Variants in PGAP1 observed in about 807,000 individuals in gnomAD.
The protein encoded by PGAP1 is GPI inositol-deacylase.
PGAP1 carries 76 observed loss-of-function variants against 127.0 expected under a neutral mutation model. The observed-to-expected ratio is 0.60, with a 90% CI of 0.50 to 0.72. The LOEUF is 0.72. Ranked by LOEUF, PGAP1 falls within the 30% of genes least tolerant of loss-of-function variation. PGAP1 has a pLI of 0.00. For missense variants in PGAP1, 982 were observed against 1,071.3 expected (o/e 0.92, Z 1.16); for synonymous variants, 362 against 366.5 (o/e 0.99, Z 0.14).
At chr2:196,896,177 C>A (rs1702261506) in intron 7 of PGAP1, among the ~76,000 whole-genome samples, 1 of 152,130 alleles carries the variant, frequency 6.6e-6, no homozygotes, top group Non-Finnish European at 1.5e-5. Context: ...ATATGTTCTG[C>A]TAATTGAACA....
intron 13 of PGAP1, among the ~76,000 whole-genome samples, chr2:196,876,168 ATTAG>A (rs1435206872): frequency 6.6e-6 from 1 of 152,162 alleles, no homozygotes; most frequent in Non-Finnish European, 1.5e-5. Context: ...CTAATTCAAG[ATTAG>A]TTAAAGATTT....
At chr2:196,893,490 C>T (rs775246931) in intron 7 of PGAP1, among the ~76,000 whole-genome samples, 21 of 152,204 alleles carry the variant, frequency 1.4e-4, no homozygotes, top group Admixed American at 3.9e-4. Flanking sequence ...GTTCACACAG[C>T]TCTTAAGTCT....
In PGAP1 at chr2:196,871,404, T is replaced by C. The variant is rs114287541; in HGVS notation, c.1729-425A>G. Among the ~76,000 whole-genome samples the C allele has an allele frequency of 5.8e-3, 877 of 152,284 alleles. 4 individuals are homozygous for C. Among genetic ancestry groups the C allele is most frequent in the Non-Finnish European group, 7.3e-3 (495 of 67,988 alleles). On this transcript the variant is annotated intron_variant, in intron 18 of 26. Coordinates refer to ENST00000354764, the MANE Select transcript of PGAP1 (RefSeq NM_024989.4). ...TATTTGATATTAGAAAGGAGATAAA[T>C]ATTTTTAGGGAAGTTTAAAATGATT...
chr2:196,897,273 T>C (rs920139927), intron 6 of PGAP1, 76 bp from the exon 7 acceptor site: 9 of 865,916 alleles, frequency 1.0e-5, no homozygotes, highest in Admixed American at 3.0e-5. Context: ...CACAATTCTA[T>C]TGTTTAGTGG....
intron 12 of PGAP1, 68 bp from the exon 13 acceptor site, chr2:196,880,221 TAACAC>T: frequency 5.2e-6 from 5 of 960,242 alleles, no homozygotes; most frequent in Non-Finnish European, 7.6e-6. Flanking sequence ...GAAAAATAAA[TAACAC>T]TTATTTCTTA....
chr2:196,898,305 G>C lies in PGAP1; in HGVS notation c.860+12C>G. The C allele has an allele frequency of 1.3e-6, 2 of 1,574,830 alleles. No individual in the cohort carries two copies. Among genetic ancestry groups the C allele is most frequent in the Non-Finnish European group, 8.7e-7 (1 of 1,146,884 alleles). ...CAACTCATCAAAACAAGTTATACAA[G>C]TATTAACTTACCACACAATGGAGAG... On this transcript the variant is annotated intron_variant, in intron 6 of 26. Transcript: ENST00000354764.
intron 23 of PGAP1, 62 bp downstream of exon 23, chr2:196,845,820 C>T (rs551788211): frequency 8.3e-5 from 117 of 1,403,082 alleles, no homozygotes; most frequent in Non-Finnish European, 1.1e-4. Context: ...GCCTACGGAA[C>T]ATCCTACATG....
intron 20 of PGAP1, among the ~76,000 whole-genome samples, chr2:196,854,948 A>G (rs918788588): frequency 1.7e-4 from 26 of 151,376 alleles, no homozygotes; most frequent in African/African-American, 6.3e-4. Flanking sequence ...CAGCTAATGT[A>G]TTCTTTTTAA....
chr2:196,835,929 T>C lies in PGAP1; in HGVS notation c.*5305A>G, dbSNP rs186984019. ...GAACAGTTAATAGCTCTACGTGTTA[T>C]CTATAAACATTTTTTACTAGTAACA... is the stretch of plus-strand genomic sequence containing the variant. On this transcript the variant is annotated 3_prime_UTR_variant, in exon 27 of 27. Transcript: ENST00000354764. 1 of 152,210 alleles carries C rather than the reference T, an allele frequency of 6.6e-6. No individual in the cohort carries two copies. Among genetic ancestry groups the C allele is most frequent in the Non-Finnish European group, 1.5e-5 (1 of 67,900 alleles). 9.4% of individuals were successfully genotyped at this position (152,210 alleles called of 1,614,324 possible).
intron 21 of PGAP1, 179 bp from the exon 22 acceptor site, chr2:196,847,379 G>T (rs146887315): frequency 4.0e-6 from 2 of 496,600 alleles, no homozygotes; most frequent in Non-Finnish European, 7.1e-6. Flanking sequence ...TTTTCCAAGT[G>T]AGCCTACTGA....
rs759945119 is a variant in PGAP1 at position 196,838,234 on chromosome 2, C to T, written c.*3000G>A. The T allele has an allele frequency of 6.6e-6, 1 of 152,138 alleles. No individual in the cohort carries two copies. Among genetic ancestry groups the T allele is most frequent in the Non-Finnish European group, 1.5e-5 (1 of 68,020 alleles). The allele number at this position is 152,138 out of a possible 1,614,324, so 9.4% of individuals were successfully genotyped here. A position where few individuals can be genotyped will look rare whatever the true frequency, so the allele number is the denominator to read the frequency against. Reference sequence around the variant, plus strand: ...ACAAAACTTACTCATAACTCAATTGCTAAATTAGAAGGCATAACAGTTGCT... The same window carrying T: ...ACAAAACTTACTCATAACTCAATTGTTAAATTAGAAGGCATAACAGTTGCT... On this transcript the variant is annotated 3_prime_UTR_variant, in exon 27 of 27. Transcript: ENST00000354764.
At chr2:196,888,905 A>G (rs181679652) in intron 10 of PGAP1, among the ~76,000 whole-genome samples, 3 of 152,344 alleles carry the variant, frequency 2.0e-5, no homozygotes, top group Admixed American at 1.3e-4. Context: ...TTCAGTCAAA[A>G]AAAGTGTAAA....
chr2:196,913,152 AAATC>A (rs539677742), intron 3 of PGAP1, 99 bp from the exon 4 acceptor site: 8 of 1,097,010 alleles, frequency 7.3e-6, no homozygotes, highest in East Asian at 2.5e-5. Context: ...AGGAAAAAGA[AAATC>A]AAACTATTTA....
chr2:196,918,209 C>T (rs1228138464), intron 2 of PGAP1, among the ~76,000 whole-genome samples: 1 of 152,026 alleles, frequency 6.6e-6, no homozygotes, highest in Non-Finnish European at 1.5e-5. Context: ...TAATGTCTGA[C>T]AATTCTGGTG....
intron 5 of PGAP1, among the ~76,000 whole-genome samples, chr2:196,901,562 T>C (rs991562901): frequency 4.6e-5 from 7 of 152,226 alleles, no homozygotes; most frequent in East Asian, 1.9e-4. Flanking sequence ...TTGGAGATGA[T>C]GTGTATACTG....
intron 4 of PGAP1, among the ~76,000 whole-genome samples, chr2:196,905,035 T>C (rs1702648209): frequency 6.6e-6 from 1 of 152,150 alleles, no homozygotes; most frequent in Non-Finnish European, 1.5e-5. Context: ...AGAATAAATA[T>C]AGAATAAAAA....
intron 20 of PGAP1, among the ~76,000 whole-genome samples, chr2:196,858,645 A>T (rs369787464): frequency 2.6e-4 from 39 of 152,222 alleles, no homozygotes; most frequent in East Asian, 1.3e-3. Flanking sequence ...ACAAATGAAA[A>T]CCAAAATTAG....
At chr2:196,887,950 T>C (rs1701970801) in intron 10 of PGAP1, among the ~76,000 whole-genome samples, 1 of 152,146 alleles carries the variant, frequency 6.6e-6, no homozygotes. Context: ...GTAAAGGGTT[T>C]TTGCCGCTAC....
intron 23 of PGAP1, among the ~76,000 whole-genome samples, chr2:196,845,285 C>A (rs1428077733): frequency 2.0e-5 from 3 of 151,200 alleles, no homozygotes; most frequent in African/African-American, 7.3e-5. Flanking sequence ...AAAGAATTAT[C>A]CACTCTGATG....
Sources: allele counts gnomAD v4.1 joint callset (sites outside exome capture counted in the v4.1 genomes callset), GRCh38; gene constraint gnomAD v4.1.1; transcripts MANE v1.5; gene names NCBI Gene and HGNC (gene_info 2026-07-23, HGNC 2026-07-21).